The following ELAPOR1 variants were observed in gnomAD, a reference collection of about 807,000 sequenced individuals.
ELAPOR1 encodes the protein endosome/lysosome-associated apoptosis and autophagy regulator 1.
ELAPOR1 carries 77 observed loss-of-function variants against 119.7 expected under a neutral mutation model. The ratio of observed to expected loss-of-function variants is 0.64; its 90% CI spans 0.54 to 0.78. ELAPOR1 has a LOEUF of 0.78. Among genes scored for constraint, ELAPOR1 ranks in the 30% least tolerant of loss-of-function variants. The pLI, the probability that ELAPOR1 is intolerant of heterozygous loss-of-function variation, is 0.00. For synonymous variants in ELAPOR1, 481 were observed against 487.2 expected (o/e 0.99, Z 0.17); for missense variants, 1,115 against 1,270.4 (o/e 0.88, Z 1.86).
chr1:109,194,020 G>A (rs1653617930), intron 14 of ELAPOR1, among the ~76,000 whole-genome samples: 1 of 152,152 alleles, frequency 6.6e-6, no homozygotes, highest in African/African-American at 2.4e-5. Flanking sequence ...GAGGGGGTGA[G>A]GAGGGAGCAA....
rs1410634105 is a variant in ELAPOR1 at position 109,204,072 on chromosome 1, C to A, written c.*1060C>A. 1.3e-5 allele frequency: 2 copies of A among 152,076 alleles called. No homozygotes were observed. Among genetic ancestry groups the A allele is most frequent in the Non-Finnish European group, 2.9e-5 (2 of 68,064 alleles). The allele number at this position is 152,076 out of a possible 1,614,324, so 9.4% of individuals were successfully genotyped here. A position where few individuals can be genotyped will look rare whatever the true frequency, so the allele number is the denominator to read the frequency against. ...TCAAGTAGCTAGGACTACAAGTGTG[C>A]ACCACCAGGCTCACTAATTTTTATA... On this transcript the variant is annotated 3_prime_UTR_variant, in exon 22 of 22. Transcript: ENST00000369939.
Position 109,197,565 on chromosome 1 carries a change from T to C in ELAPOR1, c.2213T>C (p.Val738Ala). Residue 738 changes from valine to alanine, a missense_variant, in exon 16 of 22, where the codon GTC becomes GCC. By Grantham distance (64) the Val-to-Ala change is moderately conservative. Transcript: ENST00000369939. The stretch of plus-strand genomic sequence containing the variant: ...TTCTCCAAATCTATCACAGCCTACG[T>C]CTGCCAGGCAGTCATCATCCCCCCA... The part of the protein sequence containing the change: ...SGFSKSITAY[V>A]CQAVIIPPEV... 1 of 1,614,190 alleles carries C rather than the reference T, an allele frequency of 6.2e-7. No individual in the cohort carries two copies. Among genetic ancestry groups the C allele is most frequent in the East Asian group, 2.2e-5 (1 of 44,882 alleles).
chr1:109,157,109 T>G (rs764478193), intron 1 of ELAPOR1, among the ~76,000 whole-genome samples: 1 of 152,190 alleles, frequency 6.6e-6, no homozygotes, highest in African/African-American at 2.4e-5. Context: ...TTTTATCTAC[T>G]TGGCTTTCCT....
chr1:109,196,675 A>G (rs1009035724), intron 15 of ELAPOR1, among the ~76,000 whole-genome samples: 2 of 145,488 alleles, frequency 1.4e-5, no homozygotes, highest in African/African-American at 2.5e-5. Flanking sequence ...AGGCTGAGAC[A>G]CCAGATTTAG....
chr1:109,173,732 T>C lies in ELAPOR1; in HGVS notation c.847T>C (p.Tyr283His). Residue 283 changes from tyrosine to histidine, a missense_variant, in exon 7 of 22, where the codon TAT becomes CAT. Physicochemically the swap from Tyr to His is moderately conservative, Grantham distance 83. Coordinates refer to ENST00000369939, the MANE Select transcript of ELAPOR1 (RefSeq NM_020775.5). ...ATGCTTCCCCTGCAAACCTGGCACG[T>C]ATGCAGACAAGCAGGGCTCCTCTTT... ...SECFPCKPGT[Y>H]ADKQGSSFCK... 1 of 1,614,136 alleles carries C rather than the reference T, an allele frequency of 6.2e-7. No homozygotes were observed. Among genetic ancestry groups the C allele is most frequent in the South Asian group, 1.1e-5 (1 of 91,084 alleles).
At chr1:109,174,195 T>C (rs1263484444) in intron 7 of ELAPOR1, among the ~76,000 whole-genome samples, 1 of 151,390 alleles carries the variant, frequency 6.6e-6, no homozygotes, top group Non-Finnish European at 1.5e-5. Flanking sequence ...TATTTTTATT[T>C]TTATAGAGAC....
chr1:109,142,543 G>C (rs1281444734), intron 1 of ELAPOR1, among the ~76,000 whole-genome samples: 1 of 152,230 alleles, frequency 6.6e-6, no homozygotes. Flanking sequence ...TCATACAAGT[G>C]TACGCTGGTC....
At chr1:109,164,423 C>G in intron 2 of ELAPOR1, 76 bp from the exon 3 acceptor site, 2 of 1,336,316 alleles carry the variant, frequency 1.5e-6, no homozygotes, top group African/African-American at 1.4e-5. Flanking sequence ...CTCCTCCCTT[C>G]AGCTGCTCGC....
chr1:109,130,511 A>G (rs2100979026), intron 1 of ELAPOR1, among the ~76,000 whole-genome samples: 1 of 150,272 alleles, frequency 6.7e-6, no homozygotes, highest in Admixed American at 6.6e-5. Context: ...TTATATATAT[A>G]TTTATTTTTA....
At chr1:109,153,439 T>G (rs567718848) in intron 1 of ELAPOR1, among the ~76,000 whole-genome samples, 7 of 152,256 alleles carry the variant, frequency 4.6e-5, no homozygotes, top group African/African-American at 1.7e-4. Context: ...GATGCGGCCA[T>G]TAAGGACATG....
chr1:109,195,362 C>T (rs56215229), intron 15 of ELAPOR1, among the ~76,000 whole-genome samples: 100,301 of 151,206 alleles, frequency 0.66, 36,192 homozygotes, highest in East Asian at 0.97. Flanking sequence ...GGCGTGGTGG[C>T]GGGCACCTGT....
intron 7 of ELAPOR1, among the ~76,000 whole-genome samples, chr1:109,179,887 C>A (rs1652591937): frequency 6.6e-6 from 1 of 151,950 alleles, no homozygotes; most frequent in Non-Finnish European, 1.5e-5. Context: ...GCCTGGGTGA[C>A]AAGAGGGAAA....
intron 1 of ELAPOR1, among the ~76,000 whole-genome samples, chr1:109,138,521 A>G (rs1187967889): frequency 6.6e-6 from 1 of 151,262 alleles, no homozygotes; most frequent in Non-Finnish European, 1.5e-5. Flanking sequence ...CCTAGATAAA[A>G]TGTCAAACAC....
chr1:109,143,077 G>A (rs1172061091), intron 1 of ELAPOR1, among the ~76,000 whole-genome samples: 1 of 152,070 alleles, frequency 6.6e-6, no homozygotes, highest in African/African-American at 2.4e-5. Flanking sequence ...AGCCTCCTGA[G>A]TAACTGGGAT....
At chr1:109,162,091 G>T in intron 2 of ELAPOR1, 77 bp downstream of exon 2, 1 of 1,512,796 alleles carries the variant, frequency 6.6e-7, no homozygotes, top group Non-Finnish European at 9.0e-7. Flanking sequence ...CATCCAATCT[G>T]GGCCCTTCCT....
At chr1:109,196,911 G>A (rs1247571358) in intron 15 of ELAPOR1, among the ~76,000 whole-genome samples, 1 of 152,152 alleles carries the variant, frequency 6.6e-6, no homozygotes, top group Non-Finnish European at 1.5e-5. Context: ...TCAATCTCTT[G>A]ACCTCATGAT....
intron 1 of ELAPOR1, among the ~76,000 whole-genome samples, chr1:109,133,995 G>A (rs1201989500): frequency 6.6e-6 from 1 of 152,208 alleles, no homozygotes; most frequent in African/African-American, 2.4e-5. Flanking sequence ...CAGTGATGTT[G>A]CGCCAGCCTG....
At chr1:109,143,106 T>C (rs778159080) in intron 1 of ELAPOR1, among the ~76,000 whole-genome samples, 3 of 152,160 alleles carry the variant, frequency 2.0e-5, no homozygotes, top group Non-Finnish European at 4.4e-5. Context: ...TGCTTCACCA[T>C]ACCCTGCTAA....
chr1:109,134,608 C>T (rs1312172302), intron 1 of ELAPOR1, among the ~76,000 whole-genome samples: 6 of 152,182 alleles, frequency 3.9e-5, no homozygotes, highest in African/African-American at 1.2e-4. Context: ...GATAAGAAAC[C>T]GTGGCTGCTC....
Sources: gnomAD v4.1 joint callset for allele counts (sites outside exome capture counted in the v4.1 genomes callset) on GRCh38, gnomAD v4.1.1 for gene constraint, MANE v1.5 for transcripts, NCBI Gene and HGNC (gene_info 2026-07-23, HGNC 2026-07-21) for gene names.